Variants in HECW2 observed in about 807,000 individuals in gnomAD.
The protein encoded by HECW2 is HECT, C2 and WW domain containing E3 ubiquitin protein ligase 2.
Under a neutral mutation model 175.2 loss-of-function variants are expected in HECW2, and 61 were observed. The observed-to-expected ratio is 0.35, with a 90% CI of 0.28 to 0.43. The LOEUF (loss-of-function observed/expected upper bound fraction) is 0.43, where lower values mean the gene tolerates loss of function less well. Ranked by LOEUF, HECW2 falls within the 20% of genes least tolerant of loss-of-function variation. HECW2 has a pLI of 1.00. For synonymous variants in HECW2, 671 were observed against 731.0 expected (o/e 0.92, Z 1.32); for missense variants, 1,524 against 2,000.5 (o/e 0.76, Z 4.54).
chr2:196,433,852 T>G (rs1431527761), intron 1 of HECW2, among the ~76,000 whole-genome samples: 2 of 152,202 alleles, frequency 1.3e-5, no homozygotes, highest in Non-Finnish European at 2.9e-5. Context: ...AATTTTAAAA[T>G]AGCGAGACAC....
At chr2:196,249,352 G>A (rs1688773711) in intron 19 of HECW2, among the ~76,000 whole-genome samples, 1 of 152,036 alleles carries the variant, frequency 6.6e-6, no homozygotes, top group Non-Finnish European at 1.5e-5. Flanking sequence ...CCAAAATTTT[G>A]ACAAATTTTG....
At chr2:196,496,342 T>C (rs1687392843) in intron 1 of HECW2, among the ~76,000 whole-genome samples, 1 of 152,140 alleles carries the variant, frequency 6.6e-6, no homozygotes, top group African/African-American at 2.4e-5. Flanking sequence ...ATATTTTCTT[T>C]TTACTAATCA....
At chr2:196,460,687 T>C (rs551969571) in intron 1 of HECW2, among the ~76,000 whole-genome samples, 5 of 151,928 alleles carry the variant, frequency 3.3e-5, no homozygotes, top group Admixed American at 2.0e-4. Context: ...ACTGGCTCAC[T>C]GCAGCCTTAA....
chr2:196,273,463 T>C (rs917991624), intron 16 of HECW2, among the ~76,000 whole-genome samples: 1 of 152,236 alleles, frequency 6.6e-6, no homozygotes. Context: ...TGGCAACCAC[T>C]GATCTACTTC....
intron 2 of HECW2, among the ~76,000 whole-genome samples, chr2:196,376,174 T>C (rs1424241524): frequency 1.3e-5 from 2 of 152,252 alleles, no homozygotes; most frequent in Non-Finnish European, 2.9e-5. Context: ...AAGTGTGAAG[T>C]ACTTCATAAC....
chr2:196,299,830 G>A (rs1690969151), intron 13 of HECW2, among the ~76,000 whole-genome samples: 1 of 152,072 alleles, frequency 6.6e-6, no homozygotes, highest in South Asian at 2.1e-4. Flanking sequence ...CCGGGAGGCT[G>A]AGGCAGGAGA....
At chr2:196,566,699 A>ATTTTTT (rs58391487) in intron 1 of HECW2, among the ~76,000 whole-genome samples, 73 of 94,144 alleles carry the variant, frequency 7.8e-4, no homozygotes, top group African/African-American at 2.3e-3. Context: ...CACCCAGCTA[A>ATTTTTT]TTTTTTTTTT....
At chr2:196,364,728 T>C (rs1203882000) in intron 2 of HECW2, among the ~76,000 whole-genome samples, 1 of 152,202 alleles carries the variant, frequency 6.6e-6, no homozygotes, top group Non-Finnish European at 1.5e-5. Flanking sequence ...GCTTATATTT[T>C]AAAGAGAAAA....
In HECW2 at chr2:196,347,268, G is replaced by C. The variant is rs927259384; in HGVS notation, c.293-3504C>G. Among the ~76,000 whole-genome samples, 7 of 151,816 alleles carry C rather than the reference G, an allele frequency of 4.6e-5. No homozygotes were observed. The East Asian group carries it at 1.2e-3, about 25-fold the overall frequency. ...GTAGAGACGGGGTTTCACCATGTTG[G>C]CCAGGCTGGTCTCGAATTCCTGACC... On this transcript the variant is annotated intron_variant, in intron 2 of 28. Coordinates refer to ENST00000644978, the MANE Select transcript of HECW2 (RefSeq NM_001348768.2).
intron 2 of HECW2, among the ~76,000 whole-genome samples, chr2:196,359,052 C>A (rs1337209056): frequency 6.6e-6 from 1 of 152,182 alleles, no homozygotes; most frequent in Non-Finnish European, 1.5e-5. Context: ...ATATAGTGTT[C>A]AACTTGAGAA....
intron 16 of HECW2, among the ~76,000 whole-genome samples, chr2:196,271,667 G>A (rs1253480668): frequency 6.6e-6 from 1 of 152,172 alleles, no homozygotes; most frequent in African/African-American, 2.4e-5. Flanking sequence ...CACTTTCAGA[G>A]TCTGAGTTGG....
At chr2:196,561,422 C>T (rs2125499803) in intron 1 of HECW2, among the ~76,000 whole-genome samples, 1 of 152,298 alleles carries the variant, frequency 6.6e-6, no homozygotes, top group East Asian at 1.9e-4. Flanking sequence ...TTGCCCTGAC[C>T]TTGTGATCCC....
intron 2 of HECW2, among the ~76,000 whole-genome samples, chr2:196,347,045 TTTTTATTTA>T (rs1190755799): frequency 1.3e-5 from 2 of 151,458 alleles, no homozygotes; most frequent in African/African-American, 4.9e-5. Context: ...GTTTGGTGAC[TTTTTATTTA>T]TTTATTTATT....
chr2:196,528,881 G>T (rs1209192235), intron 1 of HECW2, among the ~76,000 whole-genome samples: 2 of 152,184 alleles, frequency 1.3e-5, no homozygotes, highest in Admixed American at 6.5e-5. Flanking sequence ...AAACTCTCTG[G>T]CTTTCTCTTT....
intron 2 of HECW2, among the ~76,000 whole-genome samples, chr2:196,346,484 T>C (rs998242044): frequency 5.9e-5 from 9 of 152,318 alleles, no homozygotes; most frequent in African/African-American, 2.2e-4. Context: ...GTTAGGTTCA[T>C]CTCTAGGTAT....
At chr2:196,412,128 C>T (rs2125229098) in intron 2 of HECW2, among the ~76,000 whole-genome samples, 1 of 152,312 alleles carries the variant, frequency 6.6e-6, no homozygotes, top group Non-Finnish European at 1.5e-5. Flanking sequence ...TATTAGTTTG[C>T]TAGGGCTGCC....
At position 196,199,235 on chromosome 2, in the gene HECW2, C is replaced by G. The variant is rs1686781405; in HGVS notation, c.*2042G>C. On this transcript the variant is annotated 3_prime_UTR_variant, in exon 29 of 29. Transcript: ENST00000644978. ...ACTTTTCCTTATAATGAAAAGAATA[C>G]AAACAAGTGAAAAGTTTGCAAAATT... The G allele has an allele frequency of 6.6e-6, 1 of 152,430 alleles. No individual in the cohort carries two copies. The highest frequency in any genetic ancestry group is 2.4e-5 in the African/African-American group (1 of 41,382). 9.4% of individuals were successfully genotyped at this position (152,430 alleles called of 1,614,324 possible). A position where few individuals can be genotyped will look rare whatever the true frequency, so the allele number is the denominator to read the frequency against.
At chr2:196,368,111 G>A (rs1230056036) in intron 2 of HECW2, among the ~76,000 whole-genome samples, 2 of 152,080 alleles carry the variant, frequency 1.3e-5, no homozygotes, top group Non-Finnish European at 2.9e-5. Context: ...TCGATATGCT[G>A]ATTTCCTTTC....
intron 1 of HECW2, among the ~76,000 whole-genome samples, chr2:196,461,855 A>T (rs1384780066): frequency 6.6e-6 from 1 of 152,162 alleles, no homozygotes; most frequent in Non-Finnish European, 1.5e-5. Context: ...CACGGGGATT[A>T]TGGGGACCAC....
Sources: gnomAD v4.1 joint callset for allele counts (sites outside exome capture counted in the v4.1 genomes callset) on GRCh38, gnomAD v4.1.1 for gene constraint, MANE v1.5 for transcripts, NCBI Gene and HGNC (gene_info 2026-07-23, HGNC 2026-07-21) for gene names.